GNG2: variants seen among roughly 807,000 people sequenced by gnomAD.
GNG2 encodes the protein guanine nucleotide-binding protein G(I)/G(S)/G(O) subunit gamma-2.
A neutral mutation model predicts 5.5 loss-of-function variants in GNG2; 5 were observed. The observed-to-expected ratio is 0.91, with a 90% CI of 0.48 to 1.92. The LOEUF (loss-of-function observed/expected upper bound fraction) is 1.92. Among genes scored for constraint, GNG2 ranks in the 30% most tolerant of loss-of-function variants. The probability of loss-of-function intolerance (pLI) is 0.01; values close to 1 mark genes in which losing one functional copy is unlikely to be tolerated. For missense variants in GNG2, 55 were observed against 88.4 expected (o/e 0.62, Z 1.52); for synonymous variants, 28 against 32.0 (o/e 0.88, Z 0.42).
At chr14:51,846,490 C>A (rs1457048774) in intron 2 of GNG2, among the ~76,000 whole-genome samples, 1 of 152,078 alleles carries the variant, frequency 6.6e-6, no homozygotes. Context: ...AACCTCAACC[C>A]CATATTAAAT....
At chr14:51,903,673 C>G (rs1885712824) in intron 2 of GNG2, among the ~76,000 whole-genome samples, 1 of 152,050 alleles carries the variant, frequency 6.6e-6, no homozygotes, top group Admixed American at 6.5e-5. Flanking sequence ...CCTCTAAGAT[C>G]AAGAAGAATA....
upstream of GNG2, among the ~76,000 whole-genome samples, chr14:51,857,014 C>T (rs958375676): frequency 2.0e-5 from 3 of 152,170 alleles, no homozygotes; most frequent in Non-Finnish European, 4.4e-5. Flanking sequence ...GCCAATGATG[C>T]CTTTTCATTA....
intron 2 of GNG2, among the ~76,000 whole-genome samples, chr14:51,898,462 C>T (rs1885344189): frequency 6.6e-6 from 1 of 152,014 alleles, no homozygotes; most frequent in African/African-American, 2.4e-5. Context: ...TTCCTCATCC[C>T]TGTTTAATAA....
At chr14:51,916,687 T>G (rs1886662903) in intron 2 of GNG2, among the ~76,000 whole-genome samples, 1 of 152,152 alleles carries the variant, frequency 6.6e-6, no homozygotes, top group South Asian at 2.1e-4. Flanking sequence ...CAGGCTGCTG[T>G]GGACCATACC....
upstream of GNG2, among the ~76,000 whole-genome samples, chr14:51,857,058 C>T (rs186959964): frequency 1.3e-5 from 2 of 152,246 alleles, no homozygotes; most frequent in Admixed American, 1.3e-4. Context: ...GTGTGACAAG[C>T]AAATGTGGAC....
intron 3 of GNG2, among the ~76,000 whole-genome samples, chr14:51,951,272 A>G (rs1487091096): frequency 2.0e-5 from 3 of 152,234 alleles, no homozygotes; most frequent in Non-Finnish European, 4.4e-5. Flanking sequence ...TAAGAAGTCA[A>G]ACAACAAAGA....
chr14:51,888,106 G>A (rs754372161), intron 2 of GNG2, among the ~76,000 whole-genome samples: 29 of 152,028 alleles, frequency 1.9e-4, no homozygotes, highest in African/African-American at 5.8e-4. Flanking sequence ...GATAATGAAC[G>A]TATTCATTCA....
At chr14:51,881,701 C>CTTTTTTTTTTTTTT (rs58544362) in intron 2 of GNG2, among the ~76,000 whole-genome samples, 17 of 104,220 alleles carry the variant, frequency 1.6e-4, no homozygotes, top group African/African-American at 6.0e-4. Flanking sequence ...AGCTGGAAGA[C>CTTTTTTTTTTTTTT]TTTTTTTTTT....
At chr14:51,864,014 C>A (rs1048860807) in intron 1 of GNG2, among the ~76,000 whole-genome samples, 1 of 152,262 alleles carries the variant, frequency 6.6e-6, no homozygotes, top group African/African-American at 2.4e-5. Flanking sequence ...GCTTTTACTT[C>A]TTTTGGGAAC....
intron 3 of GNG2, among the ~76,000 whole-genome samples, 179 bp from the exon 4 acceptor site, chr14:51,966,379 TC>T (rs1889921118): frequency 3.3e-5 from 5 of 152,240 alleles, no homozygotes; most frequent in African/African-American, 7.2e-5. Flanking sequence ...CTGGCAACAA[TC>T]CTGTAAGGTC....
At chr14:51,851,825 A>G (rs920302613) in intron 2 of GNG2, among the ~76,000 whole-genome samples, 2 of 152,126 alleles carry the variant, frequency 1.3e-5, no homozygotes, top group Admixed American at 1.3e-4. Context: ...TCTTGCCTAT[A>G]GTATTTGTGG....
At chr14:51,923,777 G>T (rs188787302) in intron 2 of GNG2, among the ~76,000 whole-genome samples, 1 of 152,260 alleles carries the variant, frequency 6.6e-6, no homozygotes, top group East Asian at 1.9e-4. Context: ...AAATGTATAT[G>T]AATTTAAGAT....
Position 51,962,939 on chromosome 14 carries a change from G to T in GNG2, c.88-3620G>T, listed in dbSNP as rs117263975. On this transcript the variant is annotated intron_variant, in intron 3 of 3. Coordinates refer to ENST00000556766, the MANE Select transcript of GNG2 (RefSeq NM_053064.5). The stretch of plus-strand genomic sequence containing the variant: ...GGACATTGAGACTCACAACTCAGTA[G>T]CTCAGGAGCTGTGGGACCTGGGGCA... Among the ~76,000 whole-genome samples the T allele has an allele frequency of 5.0e-3, 765 of 152,336 alleles. 9 individuals carry two copies. The highest frequency in any genetic ancestry group is 0.048 in the South Asian group (233 of 4,828).
chr14:51,871,113 C>G (rs1883263957), intron 1 of GNG2, among the ~76,000 whole-genome samples: 1 of 152,070 alleles, frequency 6.6e-6, no homozygotes, highest in African/African-American at 2.4e-5. Context: ...CCCTCACTTT[C>G]ATTTTAAAGG....
chr14:51,899,523 A>G (rs544782326), intron 2 of GNG2, among the ~76,000 whole-genome samples: 1 of 152,346 alleles, frequency 6.6e-6, no homozygotes, highest in Admixed American at 6.5e-5. Flanking sequence ...ATGCATTCAC[A>G]TTGTTGTTCA....
At chr14:51,934,014 T>C (rs1887814965) in intron 2 of GNG2, among the ~76,000 whole-genome samples, 1 of 152,204 alleles carries the variant, frequency 6.6e-6, no homozygotes, top group South Asian at 2.1e-4. Flanking sequence ...TGTGTGTTTA[T>C]TTTGCACTGT....
intron 2 of GNG2, among the ~76,000 whole-genome samples, chr14:51,884,049 C>A (rs1184807107): frequency 6.6e-6 from 1 of 152,092 alleles, no homozygotes; most frequent in Non-Finnish European, 1.5e-5. Flanking sequence ...GAGGTAACCA[C>A]TGTGGAGAGT....
intron 2 of GNG2, chr14:51,916,196 T>A (rs1163732934): frequency 4.2e-6 from 1 of 236,048 alleles, no homozygotes; most frequent in Non-Finnish European, 8.4e-6. Context: ...AAAATTTCCT[T>A]GTGTTGAGTG....
intron 2 of GNG2, among the ~76,000 whole-genome samples, chr14:51,829,993 C>A (rs190353533): frequency 1.3e-5 from 2 of 152,296 alleles, no homozygotes; most frequent in Admixed American, 6.5e-5. Flanking sequence ...CAGGCGTGCA[C>A]CACCATGCCT....
Sources: gnomAD v4.1 joint callset for allele counts (sites outside exome capture counted in the v4.1 genomes callset) on GRCh38, gnomAD v4.1.1 for gene constraint, MANE v1.5 for transcripts, NCBI Gene and HGNC (gene_info 2026-07-23, HGNC 2026-07-21) for gene names.